HYDIN: variants seen among roughly 807,000 people sequenced by gnomAD.
The protein encoded by HYDIN is axonemal central pair apparatus protein HYDIN.
A neutral mutation model predicts 403.9 loss-of-function variants in HYDIN; 132 were observed. The ratio of observed to expected loss-of-function variants is 0.33; its 90% confidence interval spans 0.28 to 0.38. The LOEUF is 0.38. Among genes scored for constraint, HYDIN ranks in the 10% least tolerant of loss-of-function variants. The probability of loss-of-function intolerance (pLI) is 1.00; values close to 1 mark genes in which losing one functional copy is unlikely to be tolerated. For synonymous variants in HYDIN, 1,202 were observed against 1,891.7 expected (o/e 0.64, Z 9.46); for missense variants, 2,827 against 5,009.5 (o/e 0.56, Z 13.15).
intron 1 of HYDIN, among the ~76,000 whole-genome samples, chr16:71,202,020 C>A (rs1038001720): frequency 6.6e-6 from 1 of 152,212 alleles, no homozygotes. Context: ...ACATGGCAGA[C>A]AAGCTATTTT....
intron 10 of HYDIN, among the ~76,000 whole-genome samples, chr16:71,106,198 T>C (rs1219184607): frequency 6.7e-6 from 1 of 150,364 alleles, no homozygotes; most frequent in Non-Finnish European, 1.5e-5. Flanking sequence ...TCAATCTCCA[T>C]AGCAGTCACA....
chr16:70,887,588 A>C (rs1372691343), intron 58 of HYDIN, among the ~76,000 whole-genome samples: 42 of 152,152 alleles, frequency 2.8e-4, no homozygotes, highest in Non-Finnish European at 1.0e-4. Flanking sequence ...AATGTGTAAT[A>C]CTTTAAGCTT....
intron 1 of HYDIN, among the ~76,000 whole-genome samples, chr16:71,204,658 C>G (rs953424701): frequency 2.0e-5 from 3 of 152,262 alleles, no homozygotes; most frequent in Non-Finnish European, 4.4e-5. Flanking sequence ...TAATGTAACA[C>G]TGTACTTGAG....
At chr16:71,126,265 A>G (rs905871227) in intron 9 of HYDIN, among the ~76,000 whole-genome samples, 1 of 151,962 alleles carries the variant, frequency 6.6e-6, no homozygotes, top group Non-Finnish European at 1.5e-5. Flanking sequence ...ACATTCTCCA[A>G]CATTGCTTGA....
rs372713694 is a variant in HYDIN, at chr16:70,938,655, G to A, written c.6954C>T (p.Phe2318=). The change falls in exon 44 of 86, where the codon TTC becomes TTT. Residue 2318 remains phenylalanine (F), a synonymous_variant. Transcript: ENST00000393567. ...GGAGCGCCTGCTGAATCCCCCGATC[G>A]AATGTGAGTTTCTCCTCCTCAGTCA... The part of the protein sequence containing the change: ...DALTEEEKLT[F]DRGIQQALRE... 497 of 1,607,236 alleles carry A rather than the reference G, an allele frequency of 3.1e-4. No homozygotes were observed. In the African/African-American group the frequency reaches 5.7e-3, roughly 19 times the overall value.
chr16:70,930,133 C>T (rs1430994433), intron 45 of HYDIN, among the ~76,000 whole-genome samples: 1 of 152,004 alleles, frequency 6.6e-6, no homozygotes, highest in Non-Finnish European at 1.5e-5. Flanking sequence ...CATGGCTTTA[C>T]ACTGAAGATA....
intron 23 of HYDIN, among the ~76,000 whole-genome samples, chr16:71,013,019 G>A (rs948683286): frequency 1.4e-5 from 2 of 147,940 alleles, no homozygotes; most frequent in Non-Finnish European, 3.0e-5. Context: ...CACCCTTTGA[G>A]GATGTACTCT....
At chr16:71,074,511 G>A (rs550884091) in intron 13 of HYDIN, among the ~76,000 whole-genome samples, 3 of 151,164 alleles carry the variant, frequency 2.0e-5, no homozygotes, top group Non-Finnish European at 2.9e-5. Flanking sequence ...GTGAAACCCC[G>A]TCTCTACAAA....
chr16:71,112,607 G>A, intron 10 of HYDIN, among the ~76,000 whole-genome samples: 1 of 151,878 alleles, frequency 6.6e-6, no homozygotes, highest in Non-Finnish European at 1.5e-5. Context: ...TACTTGATAT[G>A]GACCTTAGGG....
intron 27 of HYDIN, 132 bp from the exon 28 acceptor site, chr16:70,985,454 C>T: frequency 1.0e-6 from 1 of 976,344 alleles, no homozygotes; most frequent in Non-Finnish European, 1.5e-6. Context: ...TACATCTCAG[C>T]ATCACAACAA....
intron 10 of HYDIN, chr16:71,114,023 T>A (rs1414874292): frequency 3.3e-5 from 5 of 150,236 alleles, no homozygotes; most frequent in Admixed American, 6.6e-5. Context: ...ATAGAAGGGA[T>A]GCTGTGTTCT....
chr16:70,888,331 T>A (rs553948410), intron 58 of HYDIN, among the ~76,000 whole-genome samples: 3 of 152,200 alleles, frequency 2.0e-5, no homozygotes, highest in Non-Finnish European at 4.4e-5. Flanking sequence ...CTGATTTAAA[T>A]CTTCTGTTTG....
chr16:71,081,467 C>T (rs1291165001), intron 12 of HYDIN, among the ~76,000 whole-genome samples: 1 of 151,790 alleles, frequency 6.6e-6, no homozygotes, highest in Non-Finnish European at 1.5e-5. Flanking sequence ...AGGCTATATG[C>T]TTCACTTGAA....
At chr16:70,883,851 G>A (rs1331938597) in intron 59 of HYDIN, 69 bp downstream of exon 59, 50 of 1,544,014 alleles carry the variant, frequency 3.2e-5, no homozygotes, top group African/African-American at 2.3e-4. Context: ...GATCACAAGC[G>A]TGAGCCACTG....
intron 18 of HYDIN, among the ~76,000 whole-genome samples, chr16:71,032,175 C>T (rs4788728): frequency 2.0e-5 from 3 of 151,910 alleles, no homozygotes; most frequent in Non-Finnish European, 4.4e-5. Flanking sequence ...GCAAGATAAC[C>T]GTCCAATTCT....
At chr16:71,039,949 G>C (rs946771741) in intron 18 of HYDIN, among the ~76,000 whole-genome samples, 8 of 152,172 alleles carry the variant, frequency 5.3e-5, no homozygotes, top group African/African-American at 1.9e-4. Context: ...GTCCACAGAC[G>C]GCAGAGCTGA....
At chr16:70,931,473 G>C (rs1221279560) in intron 45 of HYDIN, among the ~76,000 whole-genome samples, 1 of 152,050 alleles carries the variant, frequency 6.6e-6, no homozygotes, top group East Asian at 1.9e-4. Flanking sequence ...GCTACTCAGA[G>C]TGTGACCCAA....
At chr16:71,223,708 C>G (rs2040905442) in intron 1 of HYDIN, among the ~76,000 whole-genome samples, 1 of 151,266 alleles carries the variant, frequency 6.6e-6, no homozygotes, top group Non-Finnish European at 1.5e-5. Context: ...AATATACAAA[C>G]AGCCAACAAA....
At chr16:70,946,395 T>C (rs2077862665) in intron 41 of HYDIN, among the ~76,000 whole-genome samples, 1 of 150,666 alleles carries the variant, frequency 6.6e-6, no homozygotes, top group Admixed American at 6.6e-5. Context: ...GATGCAGAGC[T>C]GAGCCAGACC....
Sources: gnomAD v4.1 joint callset for allele counts (sites outside exome capture counted in the v4.1 genomes callset) on GRCh38, gnomAD v4.1.1 for gene constraint, MANE v1.5 for transcripts, NCBI Gene and HGNC (gene_info 2026-07-23, HGNC 2026-07-21) for gene names.